The following SPATA6L variants were observed in gnomAD, a reference collection of about 807,000 sequenced individuals.
The protein encoded by SPATA6L is spermatogenesis associated 6 like.
A neutral mutation model predicts 49.2 loss-of-function variants in SPATA6L; 68 were observed. That is an observed-to-expected ratio of 1.38 (90% CI 1.14 to 1.69). The LOEUF is 1.69. Among genes scored for constraint, SPATA6L ranks in the 40% most tolerant of loss-of-function variants. SPATA6L has a pLI of 0.00. For synonymous variants in SPATA6L, 198 were observed against 165.7 expected (o/e 1.19, Z -1.50); for missense variants, 668 against 464.3 (o/e 1.44, Z -4.03).
At chr9:4,604,026 G>C (rs146719561) in intron 11 of SPATA6L, among the ~76,000 whole-genome samples, 153 bp downstream of exon 11, 37 of 152,334 alleles carry the variant, frequency 2.4e-4, no homozygotes, top group Admixed American at 2.1e-3. Flanking sequence ...TTATCATACA[G>C]AGCAAGGGAA....
At position 4,651,001 on chromosome 9, in the gene SPATA6L, G is replaced by A. The variant is rs142554941; in HGVS notation, c.226+5040C>T. On this transcript the variant is annotated intron_variant, in intron 3 of 11. Coordinates refer to ENST00000682582, the MANE Select transcript of SPATA6L (RefSeq NM_001353486.2). ...ACAGGCATGAGCCACCGTGCCCGGC[G>A]TAGAAATAATTTTTTTTTTAAGACA... Among the ~76,000 whole-genome samples the A allele has an allele frequency of 6.7e-3, 1,024 of 151,904 alleles. 4 individuals carry two copies. The highest frequency in any genetic ancestry group is 6.6e-3 in the Non-Finnish European group (447 of 67,914).
chr9:4,606,087 T>C (rs1025653443), intron 9 of SPATA6L, among the ~76,000 whole-genome samples: 1 of 152,052 alleles, frequency 6.6e-6, no homozygotes, highest in Non-Finnish European at 1.5e-5. Context: ...CCCACCCAAA[T>C]ACTGCGCTTT....
chr9:4,621,459 C>G (rs932919914), intron 7 of SPATA6L, among the ~76,000 whole-genome samples: 22 of 152,084 alleles, frequency 1.4e-4, no homozygotes, highest in African/African-American at 4.6e-4. Flanking sequence ...CATGACATCA[C>G]CATCACAATG....
At chr9:4,663,862 A>G (rs1840433244) in intron 1 of SPATA6L, 2 of 166,922 alleles carry the variant, frequency 1.2e-5, no homozygotes. Flanking sequence ...ATAATTTATT[A>G]TCTCTATCCA....
intron 1 of SPATA6L, chr9:4,664,797 G>C (rs1021024031): frequency 6.0e-6 from 1 of 167,094 alleles, no homozygotes; most frequent in African/African-American, 2.4e-5. Flanking sequence ...AGCTTGTTCA[G>C]AGTGAGGGGC....
Position 4,608,792 on chromosome 9 carries a change from A to G in SPATA6L, c.996-3352T>C, listed in dbSNP as rs900894314. Among the ~76,000 whole-genome samples the G allele has an allele frequency of 2.6e-5, 4 of 151,966 alleles. No homozygotes were observed. The East Asian group carries it at 5.8e-4, about 22-fold the overall frequency. ...CTAGCAGAAGGCAAGAAATAACTAA[A>G]ATCAGAGCAGAACTGAAGGAAATAG... On this transcript the variant is annotated intron_variant, in intron 9 of 11. Coordinates refer to ENST00000682582, the MANE Select transcript of SPATA6L (RefSeq NM_001353486.2).
rs376696244 is a variant in SPATA6L, at chr9:4,605,352, T to C, written c.1084A>G (p.Asn362Asp). 153 of 1,613,052 alleles carry C rather than the reference T, an allele frequency of 9.5e-5. No homozygotes were observed. Among genetic ancestry groups the C allele is most frequent in the Non-Finnish European group, 1.2e-4 (144 of 1,179,180 alleles). Residue 362 changes from asparagine to aspartate, a missense_variant, in exon 10 of 12, where the codon AAC becomes GAC. Physicochemically the swap from Asn to Asp is conservative, Grantham distance 23. Transcript: ENST00000682582. ...LTSHRAQLHQ[N>D]KEDSTSEVNY... ...GTTTTATAAGAAAGTCTAACCTTGT[T>C]TTGGTGCAGCTGTGCTCTGTGGGAT...
downstream of SPATA6L, among the ~76,000 whole-genome samples, chr9:4,594,212 G>C (rs928391278): frequency 1.3e-5 from 2 of 151,976 alleles, no homozygotes; most frequent in African/African-American, 4.8e-5. Context: ...GTGGGTTTTT[G>C]TTTTTTGTTT....
chr9:4,663,375 T>G, intron 1 of SPATA6L: 1 of 1,174,140 alleles, frequency 8.5e-7, no homozygotes, highest in Non-Finnish European at 1.2e-6. Flanking sequence ...CAGGCTTCCT[T>G]TGGGATTTCA....
chr9:4,655,090 C>A (rs1012795149), intron 3 of SPATA6L, among the ~76,000 whole-genome samples: 2 of 152,204 alleles, frequency 1.3e-5, no homozygotes, highest in African/African-American at 4.8e-5. Flanking sequence ...AAAACTTATA[C>A]ACAAATATTC....
At chr9:4,639,456 T>C (rs1010550915) in intron 3 of SPATA6L, among the ~76,000 whole-genome samples, 7 of 152,162 alleles carry the variant, frequency 4.6e-5, no homozygotes, top group Non-Finnish European at 8.8e-5. Flanking sequence ...GGAATAAAAA[T>C]AGACTGAAAC....
chr9:4,610,573 C>A (rs1244006492), intron 9 of SPATA6L, among the ~76,000 whole-genome samples: 1 of 149,198 alleles, frequency 6.7e-6, no homozygotes, highest in African/African-American at 2.5e-5. Flanking sequence ...ATAAATGGTG[C>A]TGGGAAAACT....
intron 11 of SPATA6L, among the ~76,000 whole-genome samples, chr9:4,601,889 G>A (rs1204437520): frequency 1.3e-5 from 2 of 152,154 alleles, no homozygotes; most frequent in East Asian, 3.9e-4. Context: ...TGAGATGGAT[G>A]CTCAGCATCT....
At chr9:4,638,579 A>G (rs1247540724) in intron 3 of SPATA6L, among the ~76,000 whole-genome samples, 1 of 151,796 alleles carries the variant, frequency 6.6e-6, no homozygotes, top group Non-Finnish European at 1.5e-5. Context: ...TTCTTCAACC[A>G]TGCTCCTCTG....
intron 3 of SPATA6L, among the ~76,000 whole-genome samples, chr9:4,646,991 C>T (rs301471): frequency 0.63 from 95,537 of 151,702 alleles, 32,000 homozygotes; most frequent in African/African-American, 0.88. Flanking sequence ...ACCTGGGTGA[C>T]AATCTGTACA....
chr9:4,618,312 C>G (rs748540944), intron 8 of SPATA6L, among the ~76,000 whole-genome samples: 1 of 151,826 alleles, frequency 6.6e-6, no homozygotes, highest in Non-Finnish European at 1.5e-5. Context: ...ATAAAAATAA[C>G]CAAAAGTCTG....
rs1279541894 is a variant in SPATA6L, at chr9:4,604,226, C to A, written c.1133G>T (p.Ser378Ile). The A allele has an allele frequency of 6.2e-7, 1 of 1,612,198 alleles. No individual in the cohort carries two copies. ...CAGTGAGTATTTCTTCAGAGGGTAG[C>A]TTGGTCTTTCAATGATATAATTTAC... is the stretch of plus-strand genomic sequence containing the variant. The part of the protein sequence containing the change: ...SEVNYIIERP[S>I]YPLKKYSLHE... Residue 378 changes from serine (S) to isoleucine (I), a missense_variant, in exon 11 of 12, where the codon AGC (serine) becomes ATC (isoleucine). Physicochemically the swap from Ser to Ile is moderately radical, Grantham distance 142 (BLOSUM62 -2). Transcript: ENST00000682582.
intron 2 of SPATA6L, 82 bp from the exon 3 acceptor site, chr9:4,656,171 G>T: frequency 8.8e-7 from 1 of 1,134,902 alleles, no homozygotes; most frequent in Non-Finnish European, 1.3e-6. Context: ...AGGTGCAGTA[G>T]CTCACACCTG....
chr9:4,639,276 C>G (rs1387481977), intron 3 of SPATA6L, among the ~76,000 whole-genome samples: 1 of 152,206 alleles, frequency 6.6e-6, no homozygotes, highest in African/African-American at 2.4e-5. Flanking sequence ...ATGTTCTACA[C>G]AGGAGGCCTT....
Sources: allele counts gnomAD v4.1 joint callset (sites outside exome capture counted in the v4.1 genomes callset), GRCh38; gene constraint gnomAD v4.1.1; transcripts MANE v1.5; gene names NCBI Gene and HGNC (gene_info 2026-07-23, HGNC 2026-07-21).